RABGAP1L: variants seen among roughly 807,000 people sequenced by gnomAD.
RABGAP1L encodes the protein RAB GTPase activating protein 1 like.
A neutral mutation model predicts 137.7 loss-of-function variants in RABGAP1L; 63 were observed. The ratio of observed to expected loss-of-function variants is 0.46; its 90% CI spans 0.37 to 0.56. RABGAP1L has a LOEUF of 0.56. Among genes scored for constraint, RABGAP1L ranks in the 20% least tolerant of loss-of-function variants. The pLI is 0.00. For synonymous variants in RABGAP1L, 431 were observed against 433.7 expected (o/e 0.99, Z 0.08); for missense variants, 1,095 against 1,244.0 (o/e 0.88, Z 1.80).
At chr1:174,390,168 T>C (rs978473623) in intron 12 of RABGAP1L, among the ~76,000 whole-genome samples, 2 of 152,210 alleles carry the variant, frequency 1.3e-5, no homozygotes, top group Non-Finnish European at 2.9e-5. Context: ...GCTGTACTGT[T>C]ACTTGGGATA....
chr1:174,390,975 T>G (rs1571579889), intron 12 of RABGAP1L, among the ~76,000 whole-genome samples: 1 of 152,126 alleles, frequency 6.6e-6, no homozygotes, highest in Non-Finnish European at 1.5e-5. Context: ...TAAAGAGAGA[T>G]AACTTCAAGC....
At chr1:174,850,437 A>G (rs1648108022) in intron 19 of RABGAP1L, among the ~76,000 whole-genome samples, 1 of 152,236 alleles carries the variant, frequency 6.6e-6, no homozygotes, top group Non-Finnish European at 1.5e-5. Flanking sequence ...ACATTATTAG[A>G]AAGAAGTCTT....
Position 174,710,194 on chromosome 1 carries a change from A to G in RABGAP1L, c.2169+7938A>G, listed in dbSNP as rs12751310. 7.0e-3 allele frequency among the ~76,000 whole-genome samples: 1,061 copies of G among 152,360 alleles called. 5 individuals carry two copies. Among genetic ancestry groups the G allele is most frequent in the Non-Finnish European group, 9.5e-3 (646 of 68,032 alleles). On this transcript the variant is annotated intron_variant, in intron 17 of 25. Transcript: ENST00000681986. The stretch of plus-strand genomic sequence containing the variant: ...GACCAAACCTACGTTTGACTGGTGT[A>G]CCTGAAAGTGATGGGGAGAATGGAA...
intron 18 of RABGAP1L, among the ~76,000 whole-genome samples, chr1:174,803,561 A>G (rs1451498123): frequency 6.6e-6 from 1 of 152,190 alleles, no homozygotes; most frequent in Non-Finnish European, 1.5e-5. Flanking sequence ...AAGGAAAAAG[A>G]AGCCATTTAG....
At chr1:174,359,425 C>G (rs1009636031) in intron 11 of RABGAP1L, among the ~76,000 whole-genome samples, 1 of 152,146 alleles carries the variant, frequency 6.6e-6, no homozygotes, top group African/African-American at 2.4e-5. Context: ...CTGGGTCATA[C>G]GCTTGATGTC....
intron 17 of RABGAP1L, among the ~76,000 whole-genome samples, chr1:174,720,964 C>A (rs1274632519): frequency 6.6e-6 from 1 of 152,092 alleles, no homozygotes; most frequent in Non-Finnish European, 1.5e-5. Context: ...GGAGAGATTG[C>A]TCATTAAAGA....
At chr1:174,367,711 T>C (rs1027897944) in intron 11 of RABGAP1L, 1 of 187,436 alleles carries the variant, frequency 5.3e-6, no homozygotes, top group Non-Finnish European at 1.1e-5. Flanking sequence ...ATAGGACTAA[T>C]TCCTTTTCCA....
chr1:174,416,268 A>T (rs1650578493), intron 13 of RABGAP1L, among the ~76,000 whole-genome samples: 1 of 151,944 alleles, frequency 6.6e-6, no homozygotes, highest in Admixed American at 6.6e-5. Flanking sequence ...ATTAATCAGG[A>T]AACAACTATT....
chr1:174,302,701 C>CT (rs1484062350), intron 10 of RABGAP1L, among the ~76,000 whole-genome samples: 6 of 152,256 alleles, frequency 3.9e-5, no homozygotes, highest in Middle Eastern at 3.4e-3. Context: ...AAGTAAGCTA[C>CT]TTTTTTGATC....
At chr1:174,269,067 C>T (rs1674329544) in intron 7 of RABGAP1L, among the ~76,000 whole-genome samples, 1 of 152,086 alleles carries the variant, frequency 6.6e-6, no homozygotes, top group African/African-American at 2.4e-5. Context: ...CTAAGCCTCC[C>T]GAGTAGCTGG....
intron 18 of RABGAP1L, among the ~76,000 whole-genome samples, chr1:174,762,807 C>CTTTT (rs71563260): frequency 6.6e-4 from 54 of 81,798 alleles, no homozygotes; most frequent in Non-Finnish European, 8.4e-4. Flanking sequence ...GTCTCCTTTG[C>CTTTT]TTTTTTTTTT....
At position 174,994,762 on chromosome 1, in the gene RABGAP1L, T is replaced by C. The variant is rs926539775; in HGVS notation, c.*4761T>C. ...GTATTTTGCATAATGCATGGATCCT[T>C]AGTTCAAATGAGGGACAAAGTTTCT... On this transcript the variant is annotated 3_prime_UTR_variant, in exon 26 of 26. Coordinates refer to ENST00000681986, the MANE Select transcript of RABGAP1L (RefSeq NM_001366446.1). 5 of 152,356 alleles carry C rather than the reference T, an allele frequency of 3.3e-5. No homozygotes were observed. In the East Asian group the frequency reaches 9.6e-4, roughly 29 times the overall value. 9.4% of individuals were successfully genotyped at this position (152,356 alleles called of 1,614,324 possible).
Position 174,547,873 on chromosome 1 carries a change from A to G in RABGAP1L, c.1711-89502A>G, listed in dbSNP as rs747141297. ...ATTTAGTCTTACACCGAGACAGACT[A>G]TTCACCTAGTTAAATATGAAGGGTC... On this transcript the variant is annotated intron_variant, in intron 13 of 25. Coordinates refer to ENST00000681986, the MANE Select transcript of RABGAP1L (RefSeq NM_001366446.1). 14 of 1,543,216 alleles carry G rather than the reference A, an allele frequency of 9.1e-6. No homozygotes were observed. In the African/African-American group the frequency reaches 1.2e-4, roughly 14 times the overall value.
chr1:174,712,655 C>A (rs1161851916), intron 17 of RABGAP1L, among the ~76,000 whole-genome samples: 1 of 152,210 alleles, frequency 6.6e-6, no homozygotes, highest in African/African-American at 2.4e-5. Flanking sequence ...TTTTCCCCTG[C>A]AGTCAGGCTG....
chr1:174,918,364 G>A (rs1197945485), intron 19 of RABGAP1L, among the ~76,000 whole-genome samples: 1 of 152,066 alleles, frequency 6.6e-6, no homozygotes, highest in African/African-American at 2.4e-5. Context: ...TCTATAATCT[G>A]TACATTTCTA....
At position 174,450,735 on chromosome 1, in the gene RABGAP1L, T is replaced by C. The variant is rs574000404; in HGVS notation, c.1710+56590T>C. On this transcript the variant is annotated intron_variant, in intron 13 of 25. Coordinates refer to ENST00000681986, the MANE Select transcript of RABGAP1L (RefSeq NM_001366446.1). The stretch of plus-strand genomic sequence containing the variant: ...AAGCAAGTATGAGCAGTAAAACATC[T>C]AAGTATTACTTTTTTACCATAAGTT... 3.9e-5 allele frequency among the ~76,000 whole-genome samples: 6 copies of C among 152,282 alleles called. No homozygotes were observed. The East Asian group carries it at 1.2e-3, about 29-fold the overall frequency.
At chr1:174,695,963 T>C (rs953251193) in intron 15 of RABGAP1L, among the ~76,000 whole-genome samples, 1 of 152,156 alleles carries the variant, frequency 6.6e-6, no homozygotes, top group Non-Finnish European at 1.5e-5. Flanking sequence ...TGTTTTTTTC[T>C]CCTCATGCTG....
At chr1:174,272,981 A>G (rs1381500751) in intron 8 of RABGAP1L, among the ~76,000 whole-genome samples, 3 of 152,062 alleles carry the variant, frequency 2.0e-5, no homozygotes, top group Admixed American at 1.3e-4. Context: ...AGGTTAATAT[A>G]TATTCAACAG....
intron 13 of RABGAP1L, among the ~76,000 whole-genome samples, chr1:174,514,029 T>C (rs966614239): frequency 9.9e-5 from 15 of 152,024 alleles, no homozygotes; most frequent in Non-Finnish European, 1.6e-4. Context: ...GCTGTTCTTT[T>C]AAAGATGAAG....
Sources: gnomAD v4.1 joint callset for allele counts (sites outside exome capture counted in the v4.1 genomes callset) on GRCh38, gnomAD v4.1.1 for gene constraint, MANE v1.5 for transcripts, NCBI Gene and HGNC (gene_info 2026-07-23, HGNC 2026-07-21) for gene names.